The following CDH12 variants were observed in gnomAD, a reference collection of about 807,000 sequenced individuals.
CDH12 encodes cadherin 12.
Under a neutral mutation model 74.1 loss-of-function variants are expected in CDH12, and 41 were observed. The observed-to-expected ratio is 0.55, with a 90% confidence interval of 0.43 to 0.72. The LOEUF (loss-of-function observed/expected upper bound fraction) is 0.72. Among genes scored for constraint, CDH12 ranks in the 30% least tolerant of loss-of-function variants. The pLI is 0.00. For missense variants in CDH12, 945 were observed against 977.2 expected, an observed-to-expected ratio of 0.97 and a Z score of 0.44; for synonymous variants, 399 against 355.0, an observed-to-expected ratio of 1.12 and a Z score of -1.39.
At chr5:22,850,221 C>T (rs1160492034) in intron 1 of CDH12, among the ~76,000 whole-genome samples, 1 of 151,968 alleles carries the variant, frequency 6.6e-6, no homozygotes, top group East Asian at 1.9e-4. Context: ...CTTTGAGTAA[C>T]TACTATTGAT....
intron 1 of CDH12, among the ~76,000 whole-genome samples, chr5:22,829,054 A>C (rs1268232575): frequency 2.6e-5 from 4 of 152,198 alleles, no homozygotes; most frequent in African/African-American, 9.7e-5. Flanking sequence ...TTTGATTCTC[A>C]TTATTGAATA....
At chr5:22,435,475 C>T (rs1744344539) in intron 2 of CDH12, among the ~76,000 whole-genome samples, 1 of 143,214 alleles carries the variant, frequency 7.0e-6, no homozygotes, top group African/African-American at 2.6e-5. Flanking sequence ...TGTACACACA[C>T]ATATATATGT....
chr5:21,857,854 T>G (rs1237240642), intron 6 of CDH12, among the ~76,000 whole-genome samples: 1 of 151,800 alleles, frequency 6.6e-6, no homozygotes, highest in East Asian at 1.9e-4. Flanking sequence ...ACACAGGAAG[T>G]TTGAGATCAA....
intron 1 of CDH12, among the ~76,000 whole-genome samples, chr5:22,599,713 G>A (rs1204532526): frequency 1.2e-4 from 19 of 152,010 alleles, no homozygotes; most frequent in East Asian, 1.9e-4. Context: ...CAAGGTGAAC[G>A]TTAGTTTATT....
At chr5:22,447,985 TAAAAA>T (rs10660558) in intron 2 of CDH12, among the ~76,000 whole-genome samples, 4 of 84,496 alleles carry the variant, frequency 4.7e-5, no homozygotes, top group African/African-American at 1.9e-4. Context: ...TACAAGAAAT[TAAAAA>T]AAAAAAAAAA....
At chr5:22,407,829 T>G (rs957169983) in intron 2 of CDH12, among the ~76,000 whole-genome samples, 2 of 152,158 alleles carry the variant, frequency 1.3e-5, no homozygotes, top group African/African-American at 4.8e-5. Context: ...TCGGTAAACC[T>G]TCATTTTCTC....
chr5:21,901,930 A>G (rs974067933), intron 6 of CDH12, among the ~76,000 whole-genome samples: 1 of 152,078 alleles, frequency 6.6e-6, no homozygotes, highest in African/African-American at 2.4e-5. Flanking sequence ...CAGATACTCT[A>G]TGATAAAAGG....
intron 5 of CDH12, among the ~76,000 whole-genome samples, chr5:22,019,771 T>C (rs993611182): frequency 9.9e-5 from 15 of 152,200 alleles, no homozygotes; most frequent in African/African-American, 3.6e-4. Flanking sequence ...TCTTACATAA[T>C]GGGCTGGATG....
chr5:22,328,610 G>A (rs1189439607), intron 3 of CDH12, among the ~76,000 whole-genome samples: 1 of 152,188 alleles, frequency 6.6e-6, no homozygotes, highest in African/African-American at 2.4e-5. Flanking sequence ...GAATAGCATA[G>A]AAGCAGATTG....
At chr5:22,056,963 A>G (rs1296060990) in intron 5 of CDH12, among the ~76,000 whole-genome samples, 2 of 152,148 alleles carry the variant, frequency 1.3e-5, no homozygotes, top group East Asian at 3.9e-4. Flanking sequence ...AAGAACTTTG[A>G]ATCTTTCAGA....
At chr5:22,819,237 T>C (rs1300415878) in intron 1 of CDH12, among the ~76,000 whole-genome samples, 7 of 152,110 alleles carry the variant, frequency 4.6e-5, no homozygotes, top group African/African-American at 1.7e-4. Flanking sequence ...GGTGACAAAG[T>C]GATCCTGCTC....
chr5:22,015,146 A>C (rs1737523751), intron 5 of CDH12, among the ~76,000 whole-genome samples: 1 of 152,150 alleles, frequency 6.6e-6, no homozygotes, highest in African/African-American at 2.4e-5. Context: ...ATTTTCTCAC[A>C]GTTGATTTTG....
chr5:22,675,602 T>C (rs2126920582), intron 1 of CDH12, among the ~76,000 whole-genome samples: 1 of 152,058 alleles, frequency 6.6e-6, no homozygotes, highest in East Asian at 2.0e-4. Context: ...AAGGCATAAT[T>C]GGTTTTTAAA....
chr5:22,729,988 TGTTA>T (rs1744351699), intron 1 of CDH12, among the ~76,000 whole-genome samples: 1 of 151,908 alleles, frequency 6.6e-6, no homozygotes, highest in Admixed American at 6.6e-5. Flanking sequence ...GTTTTCAGAA[TGTTA>T]GTTATTATTA....
At chr5:21,769,917 A>G (rs1014780965) in intron 11 of CDH12, among the ~76,000 whole-genome samples, 1 of 152,222 alleles carries the variant, frequency 6.6e-6, no homozygotes, top group Non-Finnish European at 1.5e-5. Context: ...TTATAGATGG[A>G]AAACATTGAT....
chr5:21,783,264 C>T, intron 11 of CDH12, 94 bp downstream of exon 11: 1 of 1,129,814 alleles, frequency 8.9e-7, no homozygotes, highest in Non-Finnish European at 1.3e-6. Flanking sequence ...AGCTGTCAGT[C>T]CAAAAATGAA....
At chr5:22,672,141 A>G (rs1194839729) in intron 1 of CDH12, among the ~76,000 whole-genome samples, 1 of 132,828 alleles carries the variant, frequency 7.5e-6, no homozygotes, top group Non-Finnish European at 1.6e-5. Context: ...ATATAAATAT[A>G]TATTTATTAT....
At chr5:22,660,363 A>G (rs1382595495) in intron 1 of CDH12, among the ~76,000 whole-genome samples, 2 of 152,240 alleles carry the variant, frequency 1.3e-5, no homozygotes, top group East Asian at 1.9e-4. Context: ...ACAAGAATTT[A>G]TATGCCTCAC....
intron 1 of CDH12, among the ~76,000 whole-genome samples, chr5:22,655,907 G>A (rs933967728): frequency 6.6e-6 from 1 of 152,142 alleles, no homozygotes; most frequent in Non-Finnish European, 1.5e-5. Context: ...ACATTATAGT[G>A]ATGATGAATA....
Sources: allele counts gnomAD v4.1 joint callset (sites outside exome capture counted in the v4.1 genomes callset), GRCh38; gene constraint gnomAD v4.1.1; transcripts MANE v1.5; gene names NCBI Gene and HGNC (gene_info 2026-07-23, HGNC 2026-07-21).